FMR1NB: variants seen among roughly 807,000 people sequenced by gnomAD.
FMR1NB encodes the protein FMR1 neighbor protein.
In FMR1NB, 10 loss-of-function variants were observed where a neutral mutation model predicts 16.8. That is an observed-to-expected ratio of 0.60 (90% CI 0.37 to 1.01). The LOEUF (loss-of-function observed/expected upper bound fraction) is 1.01. Ranked by LOEUF, FMR1NB falls within the 50% of genes least tolerant of loss-of-function variation. The pLI is 0.01. For missense variants in FMR1NB, 205 were observed against 204.8 expected (o/e 1.00, Z 0.00); for synonymous variants, 83 against 79.1 (o/e 1.05, Z -0.26).
At chrX:147,983,799 G>T (rs12007134) in intron 1 of FMR1NB, among the ~76,000 whole-genome samples, 14,852 of 111,459 alleles carry the variant, frequency 0.13, 1,266 homozygotes, top group African/African-American at 0.32. Flanking sequence ...CTAAGAATCC[G>T]TTGCCAGATC....
In FMR1NB at chrX:147,991,736, G is replaced by T. The variant is rs913687646; in HGVS notation, c.277+10057G>T. On this transcript the variant is annotated intron_variant, in intron 1 of 5. Coordinates refer to ENST00000370467, the MANE Select transcript of FMR1NB (RefSeq NM_152578.3). ...GATTTGGCAGGGTCATGGGACAATA[G>T]TGGAGGGAAGGTCAGCAGATAAACA... 2.4e-4 allele frequency among the ~76,000 whole-genome samples: 25 copies of T among 104,235 alleles called. 2 individuals are homozygous for T. In the Admixed American group the frequency reaches 2.5e-3, roughly 10 times the overall value. The allele number at this position is 104,235 out of a possible 115,157, so 90.5% of individuals were successfully genotyped here.
At chrX:147,993,207 G>T (rs1392256128) in intron 1 of FMR1NB, among the ~76,000 whole-genome samples, 1 of 113,180 alleles carries the variant, frequency 8.8e-6, no homozygotes, top group African/African-American at 3.2e-5. Flanking sequence ...TCGCGGCCAG[G>T]GGCTGGAGAC....
chrX:148,003,766 A>G (rs375062636), intron 2 of FMR1NB, among the ~76,000 whole-genome samples: 7 of 111,400 alleles, frequency 6.3e-5, no homozygotes, highest in South Asian at 3.8e-4. Context: ...AATGATAGAA[A>G]TCCCAGGTTT....
intron 4 of FMR1NB, among the ~76,000 whole-genome samples, chrX:148,022,580 A>C (rs1302417399): frequency 8.9e-6 from 1 of 111,855 alleles, no homozygotes; most frequent in Non-Finnish European, 1.9e-5. Context: ...ATGACACTTT[A>C]TATGAAAAGA....
chrX:147,999,113 A>G (rs1405628510), intron 1 of FMR1NB, among the ~76,000 whole-genome samples: 1 of 111,887 alleles, frequency 8.9e-6, no homozygotes, highest in Non-Finnish European at 1.9e-5. Flanking sequence ...GTTTCATGTC[A>G]AGCCAAGGGC....
At position 148,019,466 on chromosome X, in the gene FMR1NB, A is replaced by G. The variant is rs183128158; in HGVS notation, c.633-5399A>G. ...TTCCTGGATGGTGTTGATGCTTGTGAACATTTGTCTGTGTCTGGGCATTGA... is the reference window on the plus strand; with the variant it reads ...TTCCTGGATGGTGTTGATGCTTGTGGACATTTGTCTGTGTCTGGGCATTGA... On this transcript the variant is annotated intron_variant, in intron 4 of 5. Transcript: ENST00000370467. Among the ~76,000 whole-genome samples the G allele has an allele frequency of 7.0e-3, 781 of 111,815 alleles. 7 individuals carry two copies. The highest frequency in any genetic ancestry group is 0.025 in the African/African-American group (756 of 30,717).
chrX:148,011,815 A>G (rs781889743), intron 4 of FMR1NB, among the ~76,000 whole-genome samples: 1 of 111,391 alleles, frequency 9.0e-6, no homozygotes, highest in East Asian at 2.8e-4. Context: ...TTGCCACTGA[A>G]AAAATCTATA....
At chrX:147,993,219 G>T (rs372880850) in intron 1 of FMR1NB, among the ~76,000 whole-genome samples, 2 of 113,060 alleles carry the variant, frequency 1.8e-5, no homozygotes, top group African/African-American at 3.2e-5. Context: ...GCTGGAGACC[G>T]GCCCGGCCAA....
At chrX:148,026,110 GTAT>G (rs1557190981) in intron 5 of FMR1NB, 14 of 111,224 alleles carry the variant, frequency 1.3e-4, no homozygotes. Flanking sequence ...TAATGCCTGT[GTAT>G]TATTATTCAT....
chrX:148,014,633 A>G (rs1368034054), intron 4 of FMR1NB, among the ~76,000 whole-genome samples: 1 of 110,267 alleles, frequency 9.1e-6, no homozygotes, highest in East Asian at 2.9e-4. Flanking sequence ...GATGGCTTCT[A>G]CGGAAGTAAA....
chrX:148,011,088 A>C (rs1038010057), intron 4 of FMR1NB, among the ~76,000 whole-genome samples: 1 of 110,352 alleles, frequency 9.1e-6, no homozygotes, highest in African/African-American at 3.3e-5. Flanking sequence ...ACATGGTGAA[A>C]CCCTGTCTCT....
intron 4 of FMR1NB, among the ~76,000 whole-genome samples, chrX:148,016,997 C>A (rs1457300028): frequency 9.0e-6 from 1 of 111,289 alleles, no homozygotes; most frequent in South Asian, 3.8e-4. Context: ...ACACCCTTTT[C>A]TTTCTCATTA....
At chrX:148,008,244 G>A (rs2044606811) in intron 3 of FMR1NB, 1 of 135,540 alleles carries the variant, frequency 7.4e-6, no homozygotes, top group Admixed American at 7.7e-5. Context: ...CCAAGTTAAC[G>A]GTTCATAGAT....
At position 147,998,104 on chromosome X, in the gene FMR1NB, G is replaced by A. The variant is rs782579690; in HGVS notation, c.278-5097G>A. ...TTTGACCTAGCAATCCCATTACTGG[G>A]TATATACCCAAAGGATTATAAATCA... On this transcript the variant is annotated intron_variant, in intron 1 of 5. Coordinates refer to ENST00000370467, the MANE Select transcript of FMR1NB (RefSeq NM_152578.3). 5.3e-5 allele frequency among the ~76,000 whole-genome samples: 6 copies of A among 112,334 alleles called. No homozygotes were observed. In the East Asian group the frequency reaches 1.4e-3, roughly 26 times the overall value.
At chrX:148,021,420 A>G (rs2044677904) in intron 4 of FMR1NB, among the ~76,000 whole-genome samples, 1 of 98,438 alleles carries the variant, frequency 1.0e-5, no homozygotes, top group African/African-American at 3.8e-5. Context: ...TTTCCTGTGT[A>G]GATAGTTGTT....
At chrX:147,989,956 T>C (rs1383617322) in intron 1 of FMR1NB, among the ~76,000 whole-genome samples, 2 of 109,036 alleles carry the variant, frequency 1.8e-5, no homozygotes, top group African/African-American at 3.3e-5. Flanking sequence ...TTGGACCCAC[T>C]GGCTTGGCTC....
intron 4 of FMR1NB, among the ~76,000 whole-genome samples, chrX:148,011,751 T>G (rs2069079): frequency 0.055 from 6,148 of 110,817 alleles, 214 homozygotes; most frequent in African/African-American, 0.12. Context: ...GATGGTGGTC[T>G]TCTCACTATA....
intron 5 of FMR1NB, among the ~76,000 whole-genome samples, chrX:148,025,316 C>A (rs1557190924): frequency 2.7e-5 from 3 of 111,108 alleles, no homozygotes; most frequent in Non-Finnish European, 5.7e-5. Context: ...CTGATAGACA[C>A]CCTTGGTAAA....
At position 147,986,757 on chromosome X, in the gene FMR1NB, G is replaced by A. The variant is rs371739551; in HGVS notation, c.277+5078G>A. 2.4e-4 allele frequency among the ~76,000 whole-genome samples: 27 copies of A among 111,673 alleles called. No individual in the cohort carries two copies. The East Asian group carries it at 3.7e-3, about 15-fold the overall frequency. On this transcript the variant is annotated intron_variant, in intron 1 of 5. Transcript: ENST00000370467. ...ATAGTTTGAAGTCAGGTAGTGTGAT[G>A]CCTCCAGCTTTGTTCTTTTTGCTTA...
Sources: gnomAD v4.1 joint callset for allele counts (sites outside exome capture counted in the v4.1 genomes callset) on GRCh38, gnomAD v4.1.1 for gene constraint, MANE v1.5 for transcripts, NCBI Gene and HGNC (gene_info 2026-07-23, HGNC 2026-07-21) for gene names.